Variants in DCC observed in about 807,000 individuals in gnomAD.
The protein encoded by DCC is DCC netrin 1 receptor, also known as netrin receptor DCC.
In DCC, 58 loss-of-function variants were observed where a neutral mutation model predicts 172.5. That is an observed-to-expected ratio of 0.34 (90% CI 0.27 to 0.42). The LOEUF is 0.42. Among genes scored for constraint, DCC ranks in the 10% least tolerant of loss-of-function variants. The pLI, the probability that DCC is intolerant of heterozygous loss-of-function variation, is 1.00. For synonymous variants in DCC, 709 were observed against 644.5 expected (o/e 1.10, Z -1.52); for missense variants, 1,740 against 1,791.0 (o/e 0.97, Z 0.51).
chr18:52,842,687 T>C (rs1410590778), intron 2 of DCC, among the ~76,000 whole-genome samples: 1 of 152,174 alleles, frequency 6.6e-6, no homozygotes, highest in East Asian at 1.9e-4. Context: ...GATGATGGGG[T>C]CCAGGACTTT....
chr18:52,909,203 G>A (rs1285006627), intron 3 of DCC, among the ~76,000 whole-genome samples: 1 of 152,076 alleles, frequency 6.6e-6, no homozygotes, highest in Non-Finnish European at 1.5e-5. Flanking sequence ...CTCTCTGTAA[G>A]TACCAATGTG....
At chr18:52,513,023 T>C (rs1281163450) in intron 1 of DCC, among the ~76,000 whole-genome samples, 1 of 152,154 alleles carries the variant, frequency 6.6e-6, no homozygotes, top group African/African-American at 2.4e-5. Flanking sequence ...CTTGTGGGCC[T>C]GTGATCCTGA....
At chr18:53,180,987 CTATTT>C (rs2055187983) in intron 9 of DCC, among the ~76,000 whole-genome samples, 1 of 152,046 alleles carries the variant, frequency 6.6e-6, no homozygotes, top group Non-Finnish European at 1.5e-5. Context: ...ACTTTTATGA[CTATTT>C]TATATTTTTG....
chr18:52,378,011 T>C (rs977958108), intron 1 of DCC, among the ~76,000 whole-genome samples: 3 of 152,024 alleles, frequency 2.0e-5, no homozygotes, highest in Admixed American at 6.6e-5. Flanking sequence ...AGCCATTTCT[T>C]TTTTTTCTTT....
Position 52,927,075 on chromosome 18 carries a change from ATG to A in DCC, c.985+1709_985+1710del, listed in dbSNP as rs1491493239. ...TATATACACATATATACACACATATATGTGTATATACACGTATATACGTGTAT... is the reference window on the plus strand; with the variant it reads ...TATATACACATATATACACACATATATGTATATACACGTATATACGTGTAT... On this transcript the variant is annotated intron_variant, in intron 5 of 28. Coordinates refer to ENST00000442544, the MANE Select transcript of DCC (RefSeq NM_005215.4). Among the ~76,000 whole-genome samples, 3 of 132,930 alleles carry A rather than the reference ATG, an allele frequency of 2.3e-5. 1 individual carries two copies. The highest frequency in any genetic ancestry group is 4.9e-5 in the Non-Finnish European group (3 of 60,622). The allele number at this position is 132,930 out of a possible 152,430, so 87.2% of individuals were successfully genotyped here.
intron 5 of DCC, among the ~76,000 whole-genome samples, chr18:52,986,355 C>T (rs1052769451): frequency 2.6e-5 from 4 of 152,134 alleles, no homozygotes; most frequent in Admixed American, 1.3e-4. Flanking sequence ...TAGTGGGCAG[C>T]GAATGGCCCA....
At position 52,497,320 on chromosome 18, in the gene DCC, C is replaced by CGT. The variant is rs61618764; in HGVS notation, c.91+156442_91+156443insGT. Reference sequence around the variant, plus strand: ...ATATATATATATATATATATACACACACACATATATATACACACGTATGCA... The same window carrying CGT: ...ATATATATATATATATATATACACACGTACACATATATATACACACGTATGCA... On this transcript the variant is annotated intron_variant, in intron 1 of 28. Coordinates refer to ENST00000442544, the MANE Select transcript of DCC (RefSeq NM_005215.4). Among the ~76,000 whole-genome samples, 13 of 37,502 alleles carry CGT rather than the reference C, an allele frequency of 3.5e-4. 1 individual carries two copies. Among genetic ancestry groups the CGT allele is most frequent in the East Asian group, 8.4e-4 (1 of 1,186 alleles). The allele number at this position is 37,502 out of a possible 152,430, so 24.6% of individuals were successfully genotyped here. A position where few individuals can be genotyped will look rare whatever the true frequency, so the allele number is the denominator to read the frequency against.
At chr18:53,252,190 T>C (rs1326275438) in intron 12 of DCC, among the ~76,000 whole-genome samples, 4 of 152,000 alleles carry the variant, frequency 2.6e-5, no homozygotes, top group Non-Finnish European at 5.9e-5. Flanking sequence ...CTTCATTTGT[T>C]GCAAGAAACC....
chr18:53,048,244 T>A (rs975665020), intron 5 of DCC, among the ~76,000 whole-genome samples: 1 of 151,298 alleles, frequency 6.6e-6, no homozygotes, highest in Non-Finnish European at 1.5e-5. Flanking sequence ...ACCCAATAGG[T>A]ATTTTTTTTT....
intron 15 of DCC, among the ~76,000 whole-genome samples, chr18:53,367,605 G>A (rs983897375): frequency 2.6e-5 from 4 of 151,874 alleles, no homozygotes; most frequent in Admixed American, 6.6e-5. Context: ...CGCAGCCATC[G>A]AACCGTACAT....
chr18:52,860,803 T>C (rs989107275), intron 2 of DCC, among the ~76,000 whole-genome samples: 5 of 152,028 alleles, frequency 3.3e-5, no homozygotes, highest in Non-Finnish European at 5.9e-5. Context: ...ACCGAGACCA[T>C]CCTGGCTAAC....
intron 5 of DCC, 93 bp from the exon 6 acceptor site, chr18:53,063,212 C>A: frequency 9.1e-7 from 1 of 1,104,576 alleles, no homozygotes; most frequent in Non-Finnish European, 1.4e-6. Context: ...ATTTTCTATC[C>A]CAGAGCAGTG....
At chr18:53,005,225 A>T (rs2041626490) in intron 5 of DCC, among the ~76,000 whole-genome samples, 1 of 152,228 alleles carries the variant, frequency 6.6e-6, no homozygotes, top group South Asian at 2.1e-4. Context: ...AACTATGACC[A>T]TAGTAAAAAA....
intron 1 of DCC, among the ~76,000 whole-genome samples, chr18:52,490,745 T>A (rs1354169062): frequency 6.6e-6 from 1 of 152,070 alleles, no homozygotes; most frequent in Non-Finnish European, 1.5e-5. Flanking sequence ...TTGGATTGCA[T>A]AGTAGGAAAT....
At chr18:52,431,910 G>C (rs892406659) in intron 1 of DCC, among the ~76,000 whole-genome samples, 2 of 152,076 alleles carry the variant, frequency 1.3e-5, no homozygotes, top group African/African-American at 4.8e-5. Context: ...TGATCCCTTG[G>C]AGCTCAACTA....
rs552353326 is a variant in DCC at position 52,866,539 on chromosome 18, G to A, written c.413-39505G>A. 1.4e-3 allele frequency among the ~76,000 whole-genome samples: 212 copies of A among 151,954 alleles called. 1 individual carries two copies. The highest frequency in any genetic ancestry group is 4.7e-3 in the African/African-American group (195 of 41,518). ...ATCCATGAGCATGGAATGTTTTTCCGTTTGTGTCCTCTCTTATTTCCTTGA... is the reference window on the plus strand; with the variant it reads ...ATCCATGAGCATGGAATGTTTTTCCATTTGTGTCCTCTCTTATTTCCTTGA... On this transcript the variant is annotated intron_variant, in intron 2 of 28. Transcript: ENST00000442544.
chr18:52,738,046 G>A (rs1056903339), intron 1 of DCC, among the ~76,000 whole-genome samples: 1 of 152,072 alleles, frequency 6.6e-6, no homozygotes, highest in Non-Finnish European at 1.5e-5. Context: ...CTTTTACATG[G>A]CAACATAAGT....
intron 3 of DCC, among the ~76,000 whole-genome samples, chr18:52,919,686 TAAAAC>T (rs1241195024): frequency 1.3e-5 from 2 of 151,986 alleles, no homozygotes; most frequent in Non-Finnish European, 2.9e-5. Context: ...ACTGATATTT[TAAAAC>T]AAAGATTAAA....
intron 1 of DCC, among the ~76,000 whole-genome samples, chr18:52,590,348 C>T (rs998932403): frequency 3.3e-5 from 5 of 152,020 alleles, no homozygotes; most frequent in African/African-American, 9.7e-5. Flanking sequence ...TTAAAATTAG[C>T]AAATTACCAG....
Sources: allele counts gnomAD v4.1 joint callset (sites outside exome capture counted in the v4.1 genomes callset), GRCh38; gene constraint gnomAD v4.1.1; transcripts MANE v1.5; gene names NCBI Gene and HGNC (gene_info 2026-07-23, HGNC 2026-07-21).